CNTN4: variants seen among roughly 807,000 people sequenced by gnomAD.
The protein encoded by CNTN4 is contactin 4, also known as contactin-4.
Under a neutral mutation model 122.5 loss-of-function variants are expected in CNTN4, and 77 were observed. That is an observed-to-expected ratio of 0.63 (90% CI 0.52 to 0.76). CNTN4 has a LOEUF of 0.76. Ranked by LOEUF, CNTN4 falls within the 30% of genes least tolerant of loss-of-function variation. The pLI, the probability that CNTN4 is intolerant of heterozygous loss-of-function variation, is 0.00. For missense variants in CNTN4, 1,256 were observed against 1,259.1 expected (o/e 1.00, Z 0.04); for synonymous variants, 512 against 447.0 (o/e 1.15, Z -1.83).
At chr3:2,729,375 TAA>T (rs2088487641) in intron 4 of CNTN4, among the ~76,000 whole-genome samples, 1 of 147,496 alleles carries the variant, frequency 6.8e-6, no homozygotes, top group African/African-American at 2.5e-5. Context: ...CCATCCCGGC[TAA>T]CACAAAATTA....
At chr3:3,043,854 GAGTTGTATAAAT>G in intron 23 of CNTN4, 150 bp downstream of exon 23, 1 of 688,328 alleles carries the variant, frequency 1.5e-6, no homozygotes, top group Non-Finnish European at 2.7e-6. Context: ...GGTTTGATCT[GAGTTGTATAAAT>G]AGTCTATGGC....
At chr3:2,235,993 TG>T in intron 2 of CNTN4, among the ~76,000 whole-genome samples, 1 of 152,234 alleles carries the variant, frequency 6.6e-6, no homozygotes, top group African/African-American at 2.4e-5. Flanking sequence ...GATACAGCAG[TG>T]GGCCATCTTA....
At chr3:2,608,675 GT>G (rs1047481075) in intron 4 of CNTN4, among the ~76,000 whole-genome samples, 1 of 151,750 alleles carries the variant, frequency 6.6e-6, no homozygotes, top group African/African-American at 2.4e-5. Flanking sequence ...TAGACATGGG[GT>G]TTCACCGTGT....
At chr3:2,919,384 C>G (rs973598229) in intron 12 of CNTN4, among the ~76,000 whole-genome samples, 1 of 142,754 alleles carries the variant, frequency 7.0e-6, no homozygotes, top group South Asian at 2.3e-4. Context: ...AAAACCAGAT[C>G]GTTGCTTTTT....
chr3:2,537,255 G>A (rs575701752), intron 3 of CNTN4, among the ~76,000 whole-genome samples: 1 of 152,202 alleles, frequency 6.6e-6, no homozygotes, highest in South Asian at 2.1e-4. Flanking sequence ...AATTGTTTGA[G>A]TCACAGAGGT....
At chr3:2,947,136 A>T (rs2094687303) in intron 13 of CNTN4, among the ~76,000 whole-genome samples, 1 of 152,234 alleles carries the variant, frequency 6.6e-6, no homozygotes. Context: ...GTTGCTGCTT[A>T]TCATTGTTTT....
At chr3:2,907,686 T>C (rs1205637800) in intron 12 of CNTN4, among the ~76,000 whole-genome samples, 1 of 152,242 alleles carries the variant, frequency 6.6e-6, no homozygotes, top group African/African-American at 2.4e-5. Flanking sequence ...GAGATTCCTT[T>C]TAATGTTGGG....
intron 14 of CNTN4, among the ~76,000 whole-genome samples, chr3:3,014,046 G>GCA (rs1559789736): frequency 1.5e-3 from 135 of 87,806 alleles, no homozygotes; most frequent in Admixed American, 9.1e-3. Context: ...ACATTTAAAT[G>GCA]TACACACACA....
intron 4 of CNTN4, among the ~76,000 whole-genome samples, chr3:2,679,105 A>G (rs986506153): frequency 1.3e-5 from 2 of 152,168 alleles, no homozygotes; most frequent in Non-Finnish European, 2.9e-5. Context: ...TTAATTCCCC[A>G]TCTTAATCAG....
chr3:2,642,054 T>C (rs1333988747), intron 4 of CNTN4, among the ~76,000 whole-genome samples: 1 of 152,188 alleles, frequency 6.6e-6, no homozygotes, highest in East Asian at 1.9e-4. Flanking sequence ...TAAGGAGCAC[T>C]AACTCACATG....
At chr3:3,034,089 A>G (rs1472121351) in intron 16 of CNTN4, among the ~76,000 whole-genome samples, 1 of 152,196 alleles carries the variant, frequency 6.6e-6, no homozygotes, top group African/African-American at 2.4e-5. Flanking sequence ...ATGTGAAGAG[A>G]GTGCTAGTAA....
intron 3 of CNTN4, among the ~76,000 whole-genome samples, chr3:2,555,980 C>A (rs1575976530): frequency 6.6e-6 from 1 of 152,158 alleles, no homozygotes; most frequent in Non-Finnish European, 1.5e-5. Flanking sequence ...AGATAAGGTG[C>A]TGTCAAGACT....
chr3:2,115,635 G>A (rs1011886240), intron 2 of CNTN4, among the ~76,000 whole-genome samples: 1 of 152,228 alleles, frequency 6.6e-6, no homozygotes, highest in East Asian at 1.9e-4. Flanking sequence ...TCTGCAGAAT[G>A]CAGAAAGGTA....
chr3:3,055,638 T>C (rs1701714790), intron 24 of CNTN4, among the ~76,000 whole-genome samples: 1 of 152,216 alleles, frequency 6.6e-6, no homozygotes, highest in Admixed American at 6.5e-5. Context: ...AGCCATTTAC[T>C]AGCTGGGTGA....
At chr3:2,806,691 C>T (rs1319844312) in intron 6 of CNTN4, among the ~76,000 whole-genome samples, 1 of 152,144 alleles carries the variant, frequency 6.6e-6, no homozygotes, top group East Asian at 1.9e-4. Flanking sequence ...TTAGTTTCCT[C>T]AGGTGTTACA....
chr3:2,196,011 G>A (rs911575906), intron 2 of CNTN4, among the ~76,000 whole-genome samples: 2 of 152,032 alleles, frequency 1.3e-5, no homozygotes, highest in African/African-American at 4.8e-5. Flanking sequence ...ATAAACTTCT[G>A]GAAAAAATCT....
At chr3:2,373,863 A>G (rs186031348) in intron 3 of CNTN4, among the ~76,000 whole-genome samples, 10 of 152,314 alleles carry the variant, frequency 6.6e-5, no homozygotes, top group African/African-American at 2.4e-4. Context: ...AAGTAGATGC[A>G]ATTATTGGAA....
chr3:2,393,754 G>A (rs560493486), intron 3 of CNTN4, among the ~76,000 whole-genome samples: 72 of 152,082 alleles, frequency 4.7e-4, no homozygotes, highest in Admixed American at 9.2e-4. Context: ...AGAGATCAAG[G>A]AAAGATAGGA....
chr3:2,982,521 G>T (rs1694127046), intron 13 of CNTN4, among the ~76,000 whole-genome samples: 1 of 152,020 alleles, frequency 6.6e-6, no homozygotes, highest in South Asian at 2.1e-4. Context: ...TTTGTCTTTG[G>T]ATGGCTTCCT....
Sources: allele counts gnomAD v4.1 joint callset (sites outside exome capture counted in the v4.1 genomes callset), GRCh38; gene constraint gnomAD v4.1.1; transcripts MANE v1.5; gene names NCBI Gene and HGNC (gene_info 2026-07-23, HGNC 2026-07-21).